Variants in KCND2 observed in about 807,000 individuals in gnomAD.
KCND2 encodes the protein potassium voltage-gated channel subfamily D member 2.
A neutral mutation model predicts 54.4 loss-of-function variants in KCND2; 16 were observed. The observed-to-expected ratio is 0.29, with a 90% confidence interval of 0.20 to 0.45. The LOEUF (loss-of-function observed/expected upper bound fraction) is 0.45. Ranked by LOEUF, KCND2 falls within the 20% of genes least tolerant of loss-of-function variation. The pLI, the probability that KCND2 is intolerant of heterozygous loss-of-function variation, is 1.00. For synonymous variants in KCND2, 317 were observed against 310.7 expected (o/e 1.02, Z -0.21); for missense variants, 486 against 824.2 (o/e 0.59, Z 5.02).
chr7:120,642,838 C>G (rs1793395060), intron 1 of KCND2, among the ~76,000 whole-genome samples: 1 of 152,044 alleles, frequency 6.6e-6, no homozygotes, highest in Non-Finnish European at 1.5e-5. Flanking sequence ...AGTGATTTGC[C>G]AAGATTTCAT....
At position 120,274,632 on chromosome 7, in the gene KCND2, C is replaced by A. The variant is rs748883248; in HGVS notation, c.-1C>A. The A allele has an allele frequency of 4.3e-6, 7 of 1,614,018 alleles. No individual in the cohort carries two copies. The highest frequency in any genetic ancestry group is 5.9e-6 in the Non-Finnish European group (7 of 1,180,034). ...CCTTCTTCCTTCCGCTTCAAGTAATCATGGCGGCGGGGGTGGCAGCGTGGC... is the reference window on the plus strand; with the variant it reads ...CCTTCTTCCTTCCGCTTCAAGTAATAATGGCGGCGGGGGTGGCAGCGTGGC... On this transcript the variant is annotated 5_prime_UTR_variant, in exon 1 of 6. Coordinates refer to ENST00000331113, the MANE Select transcript of KCND2 (RefSeq NM_012281.3).
intron 1 of KCND2, among the ~76,000 whole-genome samples, chr7:120,625,140 C>T (rs1793149453): frequency 6.6e-6 from 1 of 152,114 alleles, no homozygotes; most frequent in African/African-American, 2.4e-5. Flanking sequence ...ATAAAATTAA[C>T]CGAGGAGTAG....
At chr7:120,574,049 A>G (rs1019838127) in intron 1 of KCND2, among the ~76,000 whole-genome samples, 1 of 152,202 alleles carries the variant, frequency 6.6e-6, no homozygotes, top group Non-Finnish European at 1.5e-5. Flanking sequence ...GACTAAGTTA[A>G]TGATCCTTTT....
intron 1 of KCND2, among the ~76,000 whole-genome samples, chr7:120,499,427 TAAC>T (rs1198721291): frequency 1.3e-5 from 2 of 152,172 alleles, no homozygotes; most frequent in Admixed American, 6.6e-5. Flanking sequence ...TCACCATCAG[TAAC>T]AACAAGACAT....
chr7:120,618,005 A>C (rs559566012), intron 1 of KCND2, among the ~76,000 whole-genome samples: 27 of 152,052 alleles, frequency 1.8e-4, no homozygotes, highest in African/African-American at 5.6e-4. Flanking sequence ...ACCAGAGCCT[A>C]CTCAAACAGT....
chr7:120,704,141 G>T (rs1792436700), intron 1 of KCND2, among the ~76,000 whole-genome samples: 1 of 152,084 alleles, frequency 6.6e-6, no homozygotes, highest in Admixed American at 6.5e-5. Flanking sequence ...ATAGAATCTT[G>T]AGTGCAAAAG....
intron 1 of KCND2, among the ~76,000 whole-genome samples, chr7:120,485,198 T>G (rs1308250116): frequency 6.6e-6 from 1 of 152,204 alleles, no homozygotes; most frequent in Non-Finnish European, 1.5e-5. Context: ...TCATTTAATG[T>G]AATATTTGCA....
chr7:120,457,109 G>A (rs962330415), intron 1 of KCND2, among the ~76,000 whole-genome samples: 6 of 152,162 alleles, frequency 3.9e-5, no homozygotes, highest in East Asian at 1.9e-4. Flanking sequence ...GACACAGGGC[G>A]TTAAGTCCCA....
chr7:120,409,931 G>T (rs1336752059), intron 1 of KCND2, among the ~76,000 whole-genome samples: 1 of 151,396 alleles, frequency 6.6e-6, no homozygotes, highest in Non-Finnish European at 1.5e-5. Flanking sequence ...CAAAATTTTT[G>T]CTTTTTAATC....
chr7:120,515,210 C>T (rs954393174), intron 1 of KCND2, among the ~76,000 whole-genome samples: 13 of 152,038 alleles, frequency 8.6e-5, no homozygotes, highest in African/African-American at 2.7e-4. Flanking sequence ...GCCACTTCCT[C>T]TTCTGCTTTT....
At chr7:120,335,587 G>A (rs1332016860) in intron 1 of KCND2, among the ~76,000 whole-genome samples, 4 of 151,542 alleles carry the variant, frequency 2.6e-5, no homozygotes, top group African/African-American at 9.7e-5. Flanking sequence ...CCGGGTTCAC[G>A]CCATTCTCCT....
chr7:120,376,683 T>G (rs1208423717), intron 1 of KCND2, among the ~76,000 whole-genome samples: 1 of 151,782 alleles, frequency 6.6e-6, no homozygotes, highest in South Asian at 2.1e-4. Context: ...AGCTCATTGA[T>G]CCATTTGATT....
chr7:120,453,248 A>C (rs949941288), intron 1 of KCND2, among the ~76,000 whole-genome samples: 2 of 152,180 alleles, frequency 1.3e-5, no homozygotes, highest in African/African-American at 4.8e-5. Context: ...CACTACCAGA[A>C]TGAGCACAAC....
At chr7:120,316,716 C>T (rs1016813554) in intron 1 of KCND2, among the ~76,000 whole-genome samples, 3 of 152,010 alleles carry the variant, frequency 2.0e-5, no homozygotes, top group Non-Finnish European at 4.4e-5. Context: ...AACAGGTGTA[C>T]TAGAAGTGTC....
chr7:120,568,627 TTGGGAAA>T (rs1792327003), intron 1 of KCND2, among the ~76,000 whole-genome samples: 1 of 152,106 alleles, frequency 6.6e-6, no homozygotes, highest in Admixed American at 6.6e-5. Context: ...TGCCTTTGTG[TTGGGAAA>T]TGGATTAGTG....
intron 1 of KCND2, among the ~76,000 whole-genome samples, chr7:120,450,474 T>A (rs1802086198): frequency 6.6e-6 from 1 of 151,900 alleles, no homozygotes; most frequent in Non-Finnish European, 1.5e-5. Flanking sequence ...AGGGGATGGG[T>A]TGGGAAAGGT....
chr7:120,737,063 C>A (rs1792880310), intron 2 of KCND2, among the ~76,000 whole-genome samples: 4 of 143,486 alleles, frequency 2.8e-5, no homozygotes, highest in African/African-American at 1.1e-4. Flanking sequence ...CACACACACA[C>A]ACACACACAC....
intron 1 of KCND2, among the ~76,000 whole-genome samples, chr7:120,288,615 C>A (rs575806832): frequency 3.3e-5 from 5 of 152,128 alleles, no homozygotes; most frequent in Non-Finnish European, 7.4e-5. Flanking sequence ...ATACAATAAT[C>A]TTTTTCTCAT....
chr7:120,586,469 A>G (rs543907911), intron 1 of KCND2, among the ~76,000 whole-genome samples: 3 of 152,326 alleles, frequency 2.0e-5, no homozygotes, highest in Non-Finnish European at 4.4e-5. Flanking sequence ...CATTATTATC[A>G]AAAATTATTA....
Sources: gnomAD v4.1 joint callset for allele counts (sites outside exome capture counted in the v4.1 genomes callset) on GRCh38, gnomAD v4.1.1 for gene constraint, MANE v1.5 for transcripts, NCBI Gene and HGNC (gene_info 2026-07-23, HGNC 2026-07-21) for gene names.